Variants in C7orf33 observed in about 807,000 individuals in gnomAD.
C7orf33 encodes chromosome 7 open reading frame 33, also known as uncharacterized protein C7orf33.
C7orf33 carries 15 observed loss-of-function variants against 13.4 expected under a neutral mutation model. That is an observed-to-expected ratio of 1.12 (90% CI 0.75 to 1.72). C7orf33 has a LOEUF of 1.72. Ranked by LOEUF, C7orf33 falls within the 40% of genes most tolerant of loss-of-function variation. C7orf33 has a pLI of 0.00. For synonymous variants in C7orf33, 73 were observed against 83.2 expected (o/e 0.88, Z 0.67); for missense variants, 187 against 220.3 (o/e 0.85, Z 0.96).
intron 1 of C7orf33, among the ~76,000 whole-genome samples, chr7:148,604,331 C>T (rs1796449944): frequency 6.6e-6 from 1 of 151,876 alleles, no homozygotes; most frequent in African/African-American, 2.4e-5. Context: ...TTCACCATGT[C>T]GGCCAGGCTG....
chr7:148,612,984 T>C (rs1796562378), intron 1 of C7orf33, among the ~76,000 whole-genome samples: 2 of 152,202 alleles, frequency 1.3e-5, no homozygotes, highest in South Asian at 2.1e-4. Flanking sequence ...TATCATTTTC[T>C]TGTGCCATAA....
intron 1 of C7orf33, among the ~76,000 whole-genome samples, chr7:148,595,370 T>G (rs1361477328): frequency 7.3e-6 from 1 of 137,144 alleles, no homozygotes; most frequent in Non-Finnish European, 1.5e-5. Flanking sequence ...TCAAATATAA[T>G]ATAGATCTCT....
chr7:148,608,644 G>A (rs144476328), intron 1 of C7orf33, among the ~76,000 whole-genome samples: 4,298 of 151,674 alleles, frequency 0.028, 128 homozygotes, highest in African/African-American at 0.08. Flanking sequence ...GAGAAACCCC[G>A]TCTCTACTAA....
chr7:148,598,759 TATATAGAG>T (rs1222162372), intron 1 of C7orf33, among the ~76,000 whole-genome samples: 32 of 32,894 alleles, frequency 9.7e-4, no homozygotes, highest in South Asian at 3.5e-3. Flanking sequence ...TATATATATA[TATATAGAG>T]AGAGAGAGAG....
chr7:148,601,773 G>C (rs1472331197), intron 1 of C7orf33, among the ~76,000 whole-genome samples: 1 of 151,190 alleles, frequency 6.6e-6, no homozygotes, highest in Non-Finnish European at 1.5e-5. Flanking sequence ...TTAGAAACAC[G>C]GTCTTGCTCT....
intron 1 of C7orf33, among the ~76,000 whole-genome samples, chr7:148,609,085 T>C (rs76044894): frequency 0.017 from 2,416 of 144,184 alleles, 76 homozygotes; most frequent in African/African-American, 0.06. Context: ...ACCTTTCACG[T>C]TGCAAAGACG....
At chr7:148,594,451 C>T (rs1796306190) in intron 1 of C7orf33, among the ~76,000 whole-genome samples, 1 of 152,116 alleles carries the variant, frequency 6.6e-6, no homozygotes, top group Non-Finnish European at 1.5e-5. Flanking sequence ...GCTGGGATTA[C>T]AGGCGTGAAC....
At chr7:148,602,664 T>C (rs553309242) in intron 1 of C7orf33, among the ~76,000 whole-genome samples, 6 of 152,010 alleles carry the variant, frequency 3.9e-5, no homozygotes. Context: ...GTACCAAAAA[T>C]CCTGGCCAGG....
chr7:148,599,460 A>G (rs1366226669), intron 1 of C7orf33, among the ~76,000 whole-genome samples: 4 of 150,634 alleles, frequency 2.7e-5, no homozygotes, highest in Admixed American at 6.6e-5. Context: ...TCAAATTTAC[A>G]ATTCTCAGAT....
intron 1 of C7orf33, among the ~76,000 whole-genome samples, chr7:148,596,148 T>C (rs1000398560): frequency 6.6e-6 from 1 of 152,232 alleles, no homozygotes; most frequent in Non-Finnish European, 1.5e-5. Flanking sequence ...TAATAAACTT[T>C]ATATTTTTAG....
chr7:148,595,268 GAT>G, intron 1 of C7orf33, among the ~76,000 whole-genome samples: 1 of 137,666 alleles, frequency 7.3e-6, no homozygotes, highest in Middle Eastern at 4.1e-3. Context: ...ATAATATAGA[GAT>G]ATCTATATTA....
chr7:148,603,109 A>T (rs1796434837), intron 1 of C7orf33, among the ~76,000 whole-genome samples: 2 of 152,204 alleles, frequency 1.3e-5, no homozygotes, highest in Admixed American at 1.3e-4. Flanking sequence ...CAGCAGACCC[A>T]GCCCCAGAGC....
intron 2 of C7orf33, 92 bp from the exon 3 acceptor site, chr7:148,615,235 G>A: frequency 1.1e-6 from 1 of 872,294 alleles, no homozygotes; most frequent in Non-Finnish European, 1.9e-6. Context: ...CACCATGCCA[G>A]GCTGAGACAG....
At chr7:148,594,423 G>C (rs147244188) in intron 1 of C7orf33, among the ~76,000 whole-genome samples, 1 of 151,914 alleles carries the variant, frequency 6.6e-6, no homozygotes, top group East Asian at 1.9e-4. Flanking sequence ...TGATCTGCCC[G>C]CCTCGGCCTC....
intron 1 of C7orf33, among the ~76,000 whole-genome samples, chr7:148,612,726 C>T (rs1371378849): frequency 6.6e-6 from 1 of 151,914 alleles, no homozygotes; most frequent in Non-Finnish European, 1.5e-5. Flanking sequence ...ACTAAAAAGG[C>T]AAGTAATAAC....
At chr7:148,598,656 CTA>C (rs377080687) in intron 1 of C7orf33, among the ~76,000 whole-genome samples, 3 of 138,448 alleles carry the variant, frequency 2.2e-5, no homozygotes, top group South Asian at 2.3e-4. Flanking sequence ...CTCTCTCTCT[CTA>C]TATATATATA....
At chr7:148,591,556 T>A (rs1796269417) in intron 1 of C7orf33, among the ~76,000 whole-genome samples, 2 of 152,172 alleles carry the variant, frequency 1.3e-5, no homozygotes, top group Admixed American at 1.3e-4. Context: ...GATTCTTGTC[T>A]CTTCTCTCGC....
chr7:148,613,135 C>T (rs1399211639), intron 1 of C7orf33, among the ~76,000 whole-genome samples: 3 of 152,142 alleles, frequency 2.0e-5, no homozygotes, highest in African/African-American at 7.2e-5. Context: ...CAGCCTCTCC[C>T]TGGAGTCTCC....
intron 1 of C7orf33, among the ~76,000 whole-genome samples, chr7:148,612,340 G>A (rs897929013): frequency 9.9e-5 from 15 of 152,240 alleles, no homozygotes; most frequent in East Asian, 1.9e-4. Context: ...CTACCTTGAA[G>A]AGCTAGATAT....
Sources: allele counts gnomAD v4.1 joint callset (sites outside exome capture counted in the v4.1 genomes callset), GRCh38; gene constraint gnomAD v4.1.1; transcripts MANE v1.5; gene names NCBI Gene and HGNC (gene_info 2026-07-23, HGNC 2026-07-21).